HSPA4L: variants seen among roughly 807,000 people sequenced by gnomAD.
HSPA4L encodes heat shock protein family A (Hsp70) member 4 like, also known as heat shock 70 kDa protein 4L.
A neutral mutation model predicts 100.3 loss-of-function variants in HSPA4L; 48 were observed. That is an observed-to-expected ratio of 0.48 (90% CI 0.38 to 0.61). HSPA4L has a LOEUF of 0.61. Among genes scored for constraint, HSPA4L ranks in the 20% least tolerant of loss-of-function variants. The probability of loss-of-function intolerance (pLI) is 0.00; values close to 1 mark genes in which losing one functional copy is unlikely to be tolerated. For synonymous variants in HSPA4L, 319 were observed against 328.2 expected, an observed-to-expected ratio of 0.97 and a Z score of 0.30; for missense variants, 886 against 988.6, an observed-to-expected ratio of 0.90 and a Z score of 1.39.
At chr4:127,799,871 A>G (rs1733127403) in intron 4 of HSPA4L, among the ~76,000 whole-genome samples, 1 of 152,212 alleles carries the variant, frequency 6.6e-6, no homozygotes, top group South Asian at 2.1e-4. Flanking sequence ...ACCATGCATG[A>G]TAACTTAGAT....
At chr4:127,791,341 C>G (rs189368572) in intron 1 of HSPA4L, among the ~76,000 whole-genome samples, 206 of 152,272 alleles carry the variant, frequency 1.4e-3, no homozygotes, top group African/African-American at 4.8e-3. Context: ...ATAAAATACA[C>G]TAACACTAAA....
In HSPA4L at chr4:127,830,702, C is replaced by T. The variant is rs1317348970; in HGVS notation, c.2231C>T (p.Ala744Val). The part of the protein sequence containing the change: ...MEKVEKCISD[A>V]MSWLNSKMNA... ...AAGGTTGAAAAATGTATCAGTGATG[C>T]CATGAGTTGGCTGAATAGTAAGATG... Residue 744 changes from alanine to valine, a missense_variant, in exon 18 of 19, where the codon GCC becomes GTC. By Grantham distance (64) the Ala-to-Val change is moderately conservative. Coordinates refer to ENST00000296464, the MANE Select transcript of HSPA4L (RefSeq NM_014278.4). 7.5e-6 allele frequency: 12 copies of T among 1,609,246 alleles called. No homozygotes were observed. The highest frequency in any genetic ancestry group is 2.2e-5 in the East Asian group (1 of 44,462).
intron 3 of HSPA4L, 147 bp from the exon 4 acceptor site, chr4:127,798,439 TA>T: frequency 1.4e-6 from 1 of 711,174 alleles, no homozygotes. Flanking sequence ...ATCATGATTC[TA>T]AAATGACAAT....
In HSPA4L at chr4:127,803,881, G is replaced by A. The variant is rs201160443; in HGVS notation, c.908+8G>A. 3.3e-5 allele frequency: 53 copies of A among 1,611,442 alleles called. No individual in the cohort carries two copies. The highest frequency in any genetic ancestry group is 4.0e-5 in the Non-Finnish European group (47 of 1,178,600). ...TTCTAGTAAAATGAACAGGTACCAC[G>A]TATGTTTTTAGTTTGAAAAGTGTTT... is the stretch of plus-strand genomic sequence containing the variant. On this transcript the variant is annotated splice_region_variant and intron_variant, in intron 7 of 18. Coordinates refer to ENST00000296464, the MANE Select transcript of HSPA4L (RefSeq NM_014278.4).
At chr4:127,801,441 T>TGA (rs1733174561) in intron 5 of HSPA4L, among the ~76,000 whole-genome samples, 1 of 150,250 alleles carries the variant, frequency 6.7e-6, no homozygotes, top group Non-Finnish European at 1.5e-5. Context: ...TAAAAAAATT[T>TGA]GATATATATA....
At chr4:127,801,965 G>A (rs1305823611) in intron 6 of HSPA4L, 47 bp downstream of exon 6, 1 of 1,479,468 alleles carries the variant, frequency 6.8e-7, no homozygotes, top group South Asian at 1.4e-5. Context: ...TAAGAACACA[G>A]ACTAAAGAAC....
chr4:127,832,402 C>T (rs1734105181), intron 18 of HSPA4L, among the ~76,000 whole-genome samples: 1 of 151,970 alleles, frequency 6.6e-6, no homozygotes, highest in African/African-American at 2.4e-5. Flanking sequence ...TTATTCCTGC[C>T]AAAGTAAACT....
intron 3 of HSPA4L, among the ~76,000 whole-genome samples, chr4:127,797,480 G>C (rs1321068999): frequency 6.6e-6 from 1 of 151,788 alleles, no homozygotes; most frequent in African/African-American, 2.4e-5. Flanking sequence ...TAAGCTAGTA[G>C]AAAAAGCTTT....
chr4:127,807,462 C>T (rs1229777428), intron 10 of HSPA4L, among the ~76,000 whole-genome samples: 2 of 151,946 alleles, frequency 1.3e-5, no homozygotes, highest in Admixed American at 6.6e-5. Context: ...GTATAACCCT[C>T]GGTTGGTTCA....
chr4:127,785,386 G>A (rs886538889), intron 1 of HSPA4L, among the ~76,000 whole-genome samples: 1 of 151,704 alleles, frequency 6.6e-6, no homozygotes, highest in Admixed American at 6.6e-5. Flanking sequence ...TTCTGTGTGT[G>A]TTTTCAAAGG....
chr4:127,818,445 A>C, intron 13 of HSPA4L, 25 bp downstream of exon 13: 1 of 1,419,220 alleles, frequency 7.0e-7, no homozygotes, highest in Non-Finnish European at 9.8e-7. Context: ...TTCTGTAGTT[A>C]TGTCTTTTTG....
At position 127,782,440 on chromosome 4, in the gene HSPA4L, C is replaced by A. The variant is rs772891553; in HGVS notation, c.-111C>A. 3 of 849,312 alleles carry A rather than the reference C, an allele frequency of 3.5e-6. No individual in the cohort carries two copies. The East Asian group carries it at 7.9e-5, about 22-fold the overall frequency. The allele number at this position is 849,312 out of a possible 1,614,324, so 52.6% of individuals were successfully genotyped here. A position where few individuals can be genotyped will look rare whatever the true frequency, so the allele number is the denominator to read the frequency against. ...TTTCTGCTTAGCGACTTGGGGTCCC[C>A]TCTCGTTTGCTTCTGGTAGGAGTCG... is the stretch of plus-strand genomic sequence containing the variant. On this transcript the variant is annotated 5_prime_UTR_variant, in exon 1 of 19. Coordinates refer to ENST00000296464, the MANE Select transcript of HSPA4L (RefSeq NM_014278.4).
At chr4:127,794,963 T>A (rs952493516) in intron 2 of HSPA4L, among the ~76,000 whole-genome samples, 1 of 152,086 alleles carries the variant, frequency 6.6e-6, no homozygotes, top group Non-Finnish European at 1.5e-5. Flanking sequence ...AAAGAAAAAA[T>A]TGCTTTGCAA....
chr4:127,782,318 C>G, upstream of HSPA4L: 1 of 517,676 alleles, frequency 1.9e-6, no homozygotes, highest in Admixed American at 3.4e-5. Flanking sequence ...GGCGGCCGAA[C>G]CGCAGTAGGG....
intron 16 of HSPA4L, among the ~76,000 whole-genome samples, chr4:127,825,636 C>T (rs1006375962): frequency 6.6e-6 from 1 of 152,070 alleles, no homozygotes; most frequent in Non-Finnish European, 1.5e-5. Flanking sequence ...AAAAGAAACA[C>T]AAGCCAGCCA....
rs3775983 is a variant in HSPA4L, at chr4:127,832,905, C to G, written c.*31C>G. On this transcript the variant is annotated 3_prime_UTR_variant, in exon 19 of 19. Transcript: ENST00000296464. ...AATTTTACCTTCACATTAATTCAAA[C>G]CGTGCAAGTAACCACGGGGTCCATC... The G allele has an allele frequency of 6.9e-5, 105 of 1,523,562 alleles. No individual in the cohort carries two copies. In the East Asian group the frequency reaches 2.4e-3, roughly 35 times the overall value. 94.4% of individuals were successfully genotyped at this position (1,523,562 alleles called of 1,614,324 possible).
chr4:127,796,606 A>G (rs1201918096), intron 3 of HSPA4L, among the ~76,000 whole-genome samples: 1 of 152,198 alleles, frequency 6.6e-6, no homozygotes, highest in Non-Finnish European at 1.5e-5. Context: ...AAAATGTGGT[A>G]TATCTTAACA....
At chr4:127,804,187 A>T in intron 8 of HSPA4L, 100 bp downstream of exon 8, 1 of 876,900 alleles carries the variant, frequency 1.1e-6, no homozygotes, top group Non-Finnish European at 1.8e-6. Context: ...TTGTTTTTTA[A>T]AAAGATTTAT....
chr4:127,783,487 G>C, intron 1 of HSPA4L: 1 of 1,455,590 alleles, frequency 6.9e-7, no homozygotes. Flanking sequence ...AAAGGCTTAG[G>C]AGGAGCGGCG....
Sources: gnomAD v4.1 joint callset for allele counts (sites outside exome capture counted in the v4.1 genomes callset) on GRCh38, gnomAD v4.1.1 for gene constraint, MANE v1.5 for transcripts, NCBI Gene and HGNC (gene_info 2026-07-23, HGNC 2026-07-21) for gene names.